The following METTL2A variants were observed in gnomAD, a reference collection of about 807,000 sequenced individuals.
The protein encoded by METTL2A is tRNA N(3)-cytidine methyltransferase METTL2A.
METTL2A carries 45 observed loss-of-function variants against 49.4 expected under a neutral mutation model. The observed-to-expected ratio is 0.91, with a 90% confidence interval of 0.72 to 1.17. The LOEUF is 1.17. Ranked by LOEUF, METTL2A falls within the 50% of genes most tolerant of loss-of-function variation. The probability of loss-of-function intolerance (pLI) is 0.00; values close to 1 mark genes in which losing one functional copy is unlikely to be tolerated. For synonymous variants in METTL2A, 118 were observed against 167.5 expected, an observed-to-expected ratio of 0.70 and a Z score of 2.28; for missense variants, 361 against 462.2, an observed-to-expected ratio of 0.78 and a Z score of 2.01.
At position 62,451,307 on chromosome 17, in the gene METTL2A, C is replaced by T. The variant is rs75168597; in HGVS notation, c.*2578C>T. 0.094 allele frequency among the ~76,000 whole-genome samples: 14,305 copies of T among 151,550 alleles called. 1,764 individuals carry two copies. The highest frequency in any genetic ancestry group is 0.43 in the East Asian group (2,198 of 5,060). On this transcript the variant is annotated 3_prime_UTR_variant, in exon 9 of 9. Coordinates refer to ENST00000311506, the MANE Select transcript of METTL2A (RefSeq NM_181725.4). The stretch of plus-strand genomic sequence containing the variant: ...AATTACAGGCATGTGCCACCATTCC[C>T]GGCTAATTTTTTGTATTTTTAGTAG...
intron 5 of METTL2A, among the ~76,000 whole-genome samples, chr17:62,437,131 C>T (rs1017985325): frequency 2.8e-5 from 4 of 144,344 alleles, no homozygotes; most frequent in African/African-American, 1.1e-4. Context: ...CTTCAGGCTT[C>T]ACTTTTTTTT....
At chr17:62,435,641 T>C (rs2070695587) in intron 5 of METTL2A, among the ~76,000 whole-genome samples, 1 of 152,218 alleles carries the variant, frequency 6.6e-6, no homozygotes, top group Non-Finnish European at 1.5e-5. Context: ...TTATAGTGTG[T>C]GATGTTACTG....
rs970424594 is a variant in METTL2A at position 62,452,529 on chromosome 17, A to G, written c.*3800A>G. On this transcript the variant is annotated 3_prime_UTR_variant, in exon 9 of 9. Coordinates refer to ENST00000311506, the MANE Select transcript of METTL2A (RefSeq NM_181725.4). The stretch of plus-strand genomic sequence containing the variant: ...GGTTTCTGATGCTTCCATTCCTTCT[A>G]CACTGATTGGTTGGTATTTTGTACA... 2.0e-5 allele frequency among the ~76,000 whole-genome samples: 3 copies of G among 152,026 alleles called. No homozygotes were observed. The highest frequency in any genetic ancestry group is 4.8e-5 in the African/African-American group (2 of 41,380).
Position 62,449,603 on chromosome 17 carries a change from G to C in METTL2A, c.*874G>C. The C allele has an allele frequency of 3.4e-6, 1 of 292,882 alleles. No homozygotes were observed. 18.1% of individuals were successfully genotyped at this position (292,882 alleles called of 1,614,324 possible). ...GTGGGTGCCTGTAATCCAGCTACTT[G>C]GGAGACTGAGGCAGGAGAATTGCTT... On this transcript the variant is annotated 3_prime_UTR_variant, in exon 9 of 9. Transcript: ENST00000311506.
chr17:62,447,762 A>T lies in METTL2A; in HGVS notation c.978A>T (p.Thr326=). Residue 326 remains threonine, a synonymous_variant, in exon 8 of 9, where the codon ACA becomes ACT. Transcript: ENST00000311506. Reference sequence around the variant, plus strand: ...ATGGAACCAGAGTTTACTTCTTCACACAAGGTATGAAACACCCATCTTTTT... The same window carrying T: ...ATGGAACCAGAGTTTACTTCTTCACTCAAGGTATGAAACACCCATCTTTTT... The part of the protein sequence containing the change: ...RGDGTRVYFF[T]QEELDTLFTT... 1.2e-6 allele frequency: 2 copies of T among 1,614,216 alleles called. No individual in the cohort carries two copies. The highest frequency in any genetic ancestry group is 1.1e-5 in the South Asian group (1 of 91,088).
Position 62,452,771 on chromosome 17 carries a change from G to T in METTL2A, c.*4042G>T, listed in dbSNP as rs2070812509. Among the ~76,000 whole-genome samples, 1 of 152,026 alleles carries T rather than the reference G, an allele frequency of 6.6e-6. No homozygotes were observed. The highest frequency in any genetic ancestry group is 2.4e-5 in the African/African-American group (1 of 41,410). ...TGGGACTACAGGCATGTGCCACCAA[G>T]CCTAATTTTTGTATTTTTTGTAGAG... On this transcript the variant is annotated 3_prime_UTR_variant, in exon 9 of 9. Transcript: ENST00000311506.
chr17:62,448,511 A>G (rs2070783316), intron 8 of METTL2A, 64 bp from the exon 9 acceptor site: 3 of 1,592,962 alleles, frequency 1.9e-6, no homozygotes, highest in South Asian at 2.3e-5. Context: ...ACAAGGACTT[A>G]GTAGATAAAA....
intron 7 of METTL2A, among the ~76,000 whole-genome samples, chr17:62,446,683 C>T (rs1406326806): frequency 1.3e-5 from 2 of 152,170 alleles, no homozygotes; most frequent in Non-Finnish European, 2.9e-5. Context: ...CAAGAACTAG[C>T]ACATAATACA....
chr17:62,439,059 A>T (rs561115687), intron 5 of METTL2A, among the ~76,000 whole-genome samples: 11 of 145,148 alleles, frequency 7.6e-5, no homozygotes, highest in African/African-American at 2.6e-4. Context: ...GCTCACTGCA[A>T]CCTCCGCCTC....
chr17:62,451,628 A>G lies in METTL2A; in HGVS notation c.*2899A>G, dbSNP rs2070806382. On this transcript the variant is annotated 3_prime_UTR_variant, in exon 9 of 9. Transcript: ENST00000311506. ...CAATACAGACCTGGCACGGTGGCTC[A>G]CGCCTGTAATCCCAGCACTTTGAGA... Among the ~76,000 whole-genome samples the G allele has an allele frequency of 6.6e-6, 1 of 151,734 alleles. No homozygotes were observed. Among genetic ancestry groups the G allele is most frequent in the Non-Finnish European group, 1.5e-5 (1 of 67,920 alleles).
At chr17:62,430,958 T>G (rs2070660821) in intron 4 of METTL2A, among the ~76,000 whole-genome samples, 1 of 152,026 alleles carries the variant, frequency 6.6e-6, no homozygotes, top group Non-Finnish European at 1.5e-5. Flanking sequence ...CTCCGCCTCC[T>G]GGGATCAAGC....
chr17:62,440,482 GA>G, intron 5 of METTL2A, 134 bp from the exon 6 acceptor site: 5 of 1,310,874 alleles, frequency 3.8e-6, no homozygotes, highest in Non-Finnish European at 4.1e-6. Context: ...TTTGCCTCAA[GA>G]AAAAAAAGAA....
At chr17:62,448,389 C>T (rs541139462) in intron 8 of METTL2A, among the ~76,000 whole-genome samples, 186 bp from the exon 9 acceptor site, 5 of 152,206 alleles carry the variant, frequency 3.3e-5, no homozygotes, top group African/African-American at 1.2e-4. Context: ...GCGGCCCATA[C>T]GCAGTGGCTT....
chr17:62,438,060 G>A (rs1466684353), intron 5 of METTL2A, among the ~76,000 whole-genome samples: 1 of 151,950 alleles, frequency 6.6e-6, no homozygotes, highest in Non-Finnish European at 1.5e-5. Flanking sequence ...TTGAGGTCAG[G>A]AGTTCAAGAC....
rs2070628355 is a variant in METTL2A at position 62,426,543 on chromosome 17, A to G, written c.447A>G (p.Glu149=). 2 of 1,366,010 alleles carry G rather than the reference A, an allele frequency of 1.5e-6. No individual in the cohort carries two copies. Among genetic ancestry groups the G allele is most frequent in the African/African-American group, 1.4e-5 (1 of 70,612 alleles). The allele number at this position is 1,366,010 out of a possible 1,614,324, so 84.6% of individuals were successfully genotyped here. ...EQHKCSSKSL[E]HKTQTLPVEE... is the part of the protein sequence containing the mutation. ...ACAAGTGTTCTTCAAAGAGCCTTGAACATAAAACACAGACACTTCCTGTGG... is the reference window on the plus strand; with the variant it reads ...ACAAGTGTTCTTCAAAGAGCCTTGAGCATAAAACACAGACACTTCCTGTGG... Residue 149 remains glutamate, a synonymous_variant, in exon 3 of 9, where the codon GAA becomes GAG. Coordinates refer to ENST00000311506, the MANE Select transcript of METTL2A (RefSeq NM_181725.4).
Position 62,448,587 on chromosome 17 carries a change from C to T in METTL2A, c.995C>T (p.Thr332Met), listed in dbSNP as rs200384243. 2.4e-5 allele frequency: 39 copies of T among 1,613,956 alleles called. No homozygotes were observed. Among genetic ancestry groups the T allele is most frequent in the Admixed American group, 5.0e-5 (3 of 59,936 alleles). The stretch of plus-strand genomic sequence containing the variant: ...TTTTCCACACTAGAGGAACTGGACA[C>T]GCTTTTCACCACTGCTGGACTGGAA... ...VYFFTQEELD[T>M]LFTTAGLEKV... Residue 332 changes from threonine (T) to methionine (M), a missense_variant, in exon 9 of 9, where the codon ACG (threonine) becomes ATG (methionine). By Grantham distance (81) the Thr-to-Met change is moderately conservative (BLOSUM62 -1). Coordinates refer to ENST00000311506, the MANE Select transcript of METTL2A (RefSeq NM_181725.4).
chr17:62,431,216 G>A (rs2144139707), intron 4 of METTL2A, among the ~76,000 whole-genome samples: 1 of 152,050 alleles, frequency 6.6e-6, no homozygotes, highest in Non-Finnish European at 1.5e-5. Flanking sequence ...GGCCAGGCGG[G>A]TCTCGAACTC....
chr17:62,447,827 G>A lies in METTL2A; in HGVS notation c.982+61G>A. 1.9e-6 allele frequency: 3 copies of A among 1,605,710 alleles called. No homozygotes were observed. The East Asian group carries it at 6.7e-5, about 36-fold the overall frequency. Reference sequence around the variant, plus strand: ...CAGTACCAGATGAGATGGTCTTCAAGGCACGTTCAGAAGGAAAACTATCTG... The same window carrying A: ...CAGTACCAGATGAGATGGTCTTCAAAGCACGTTCAGAAGGAAAACTATCTG... On this transcript the variant is annotated intron_variant, in intron 8 of 8. Transcript: ENST00000311506.
intron 4 of METTL2A, among the ~76,000 whole-genome samples, chr17:62,428,049 T>A (rs555178070): frequency 1.9e-4 from 29 of 152,370 alleles, no homozygotes; most frequent in South Asian, 6.2e-4. Context: ...TAATGGTTAT[T>A]GGAAAATATG....
Sources: allele counts gnomAD v4.1 joint callset (sites outside exome capture counted in the v4.1 genomes callset), GRCh38; gene constraint gnomAD v4.1.1; transcripts MANE v1.5; gene names NCBI Gene and HGNC (gene_info 2026-07-23, HGNC 2026-07-21).